Variants in DIRAS1 observed in about 807,000 individuals in gnomAD.
The protein encoded by DIRAS1 is GTP-binding protein Di-Ras1.
Under a neutral mutation model 11.5 loss-of-function variants are expected in DIRAS1, and 3 were observed. The observed-to-expected ratio is 0.26, with a 90% CI of 0.12 to 0.67. DIRAS1 has a LOEUF of 0.67. Ranked by LOEUF, DIRAS1 falls within the 30% of genes least tolerant of loss-of-function variation. The pLI is 0.80. For synonymous variants in DIRAS1, 128 were observed against 125.8 expected (o/e 1.02, Z -0.12); for missense variants, 212 against 285.3 (o/e 0.74, Z 1.85).
intron 1 of DIRAS1, among the ~76,000 whole-genome samples, chr19:2,719,418 CT>C (rs1163050238): frequency 6.7e-6 from 1 of 150,098 alleles, no homozygotes; most frequent in Middle Eastern, 3.2e-3. Flanking sequence ...TAGCCCCTCT[CT>C]TCCTTCTTGG....
chr19:2,716,176 AC>A lies in DIRAS1; in HGVS notation c.*1033del, dbSNP rs1327717806. On this transcript the variant is annotated 3_prime_UTR_variant, in exon 2 of 2. Transcript: ENST00000323469. Reference sequence around the variant, plus strand: ...CAGACTCTCTCAAAAAACACCCAGAACCTCATGGCTGCAGGTACACTCGACT... The same window carrying A: ...CAGACTCTCTCAAAAAACACCCAGAACTCATGGCTGCAGGTACACTCGACT... The A allele has an allele frequency of 1.3e-5, 2 of 152,110 alleles. No homozygotes were observed. The highest frequency in any genetic ancestry group is 6.6e-5 in the Admixed American group (1 of 15,264). 9.4% of individuals were successfully genotyped at this position (152,110 alleles called of 1,614,324 possible). A position where few individuals can be genotyped will look rare whatever the true frequency, so the allele number is the denominator to read the frequency against.
chr19:2,717,818 C>T lies in DIRAS1; in HGVS notation c.-12G>A, dbSNP rs747849569. 1.1e-5 allele frequency: 17 copies of T among 1,579,016 alleles called. No homozygotes were observed. Among genetic ancestry groups the T allele is most frequent in the Non-Finnish European group, 1.4e-5 (16 of 1,166,200 alleles). On this transcript the variant is annotated 5_prime_UTR_variant, in exon 2 of 2. Coordinates refer to ENST00000323469, the MANE Select transcript of DIRAS1 (RefSeq NM_145173.4). ...CTCTGTTCCGGCATCTTCCCCGCGG[C>T]GGGTGGGCGGCCGGGGCCGGGAGGG... is the stretch of plus-strand genomic sequence containing the variant.
Position 2,716,960 on chromosome 19 carries a change from C to A in DIRAS1, c.*250G>T, listed in dbSNP as rs1913819720. 1 of 476,432 alleles carries A rather than the reference C, an allele frequency of 2.1e-6. No individual in the cohort carries two copies. The highest frequency in any genetic ancestry group is 3.7e-6 in the Non-Finnish European group (1 of 271,230). 29.5% of individuals were successfully genotyped at this position (476,432 alleles called of 1,614,324 possible). A position where few individuals can be genotyped will look rare whatever the true frequency, so the allele number is the denominator to read the frequency against. Reference sequence around the variant, plus strand: ...TCCCATCTGCAGGACAAGGGGGCCACCTCCGGCTCTTGGTTTTGGAGGGTA... The same window carrying A: ...TCCCATCTGCAGGACAAGGGGGCCAACTCCGGCTCTTGGTTTTGGAGGGTA... On this transcript the variant is annotated 3_prime_UTR_variant, in exon 2 of 2. Coordinates refer to ENST00000323469, the MANE Select transcript of DIRAS1 (RefSeq NM_145173.4).
In DIRAS1 at chr19:2,715,376, G is replaced by C. The variant is rs569963526; in HGVS notation, c.*1834C>G. The C allele has an allele frequency of 6.6e-6, 1 of 152,118 alleles. No homozygotes were observed. The highest frequency in any genetic ancestry group is 1.5e-5 in the Non-Finnish European group (1 of 68,066). The allele number at this position is 152,118 out of a possible 1,614,324, so 9.4% of individuals were successfully genotyped here. A position where few individuals can be genotyped will look rare whatever the true frequency, so the allele number is the denominator to read the frequency against. On this transcript the variant is annotated 3_prime_UTR_variant, in exon 2 of 2. Coordinates refer to ENST00000323469, the MANE Select transcript of DIRAS1 (RefSeq NM_145173.4). ...CTCACTAACTTAGCTGCCATGCTCCGAGCCCCGCTGTGGAGAGACCCACAT... is the reference window on the plus strand; with the variant it reads ...CTCACTAACTTAGCTGCCATGCTCCCAGCCCCGCTGTGGAGAGACCCACAT...
intron 1 of DIRAS1, chr19:2,719,276 AAATCCAG>A (rs1913898498): frequency 6.6e-6 from 1 of 152,254 alleles, no homozygotes; most frequent in South Asian, 2.1e-4. Flanking sequence ...CAAAAATACA[AAATCCAG>A]AAGCTGAACG....
intron 1 of DIRAS1, 86 bp from the exon 2 acceptor site, chr19:2,717,961 G>A: frequency 3.8e-6 from 3 of 786,530 alleles, no homozygotes; most frequent in Non-Finnish European, 5.9e-6. Flanking sequence ...AGGACATGGC[G>A]GCTTCTCAGA....
chr19:2,719,514 A>C (rs1012715218), intron 1 of DIRAS1, among the ~76,000 whole-genome samples: 1 of 13,712 alleles, frequency 7.3e-5, no homozygotes, highest in African/African-American at 2.4e-4. Flanking sequence ...CGCTGGGGGG[A>C]GGGCGGGTGG....
chr19:2,716,238 T>G lies in DIRAS1; in HGVS notation c.*972A>C, dbSNP rs1275823342. ...ACCTTCCCGGGCAGGCCCTGCTCTC[T>G]GGGGCACAGGTGGTGGGGAGGAAGT... On this transcript the variant is annotated 3_prime_UTR_variant, in exon 2 of 2. Coordinates refer to ENST00000323469, the MANE Select transcript of DIRAS1 (RefSeq NM_145173.4). 6.6e-6 allele frequency: 1 copy of G among 152,314 alleles called. No individual in the cohort carries two copies. The highest frequency in any genetic ancestry group is 1.9e-4 in the East Asian group (1 of 5,206). 9.4% of individuals were successfully genotyped at this position (152,314 alleles called of 1,614,324 possible).
chr19:2,715,779 C>T lies in DIRAS1; in HGVS notation c.*1431G>A, dbSNP rs1405779449. On this transcript the variant is annotated 3_prime_UTR_variant, in exon 2 of 2. Coordinates refer to ENST00000323469, the MANE Select transcript of DIRAS1 (RefSeq NM_145173.4). ...CTATAGAGTGGAACACAGATCGTGT[C>T]CCTCAATCAGGACAAACATATTTAC... 1 of 152,218 alleles carries T rather than the reference C, an allele frequency of 6.6e-6. No individual in the cohort carries two copies. The highest frequency in any genetic ancestry group is 1.5e-5 in the Non-Finnish European group (1 of 68,054). 9.4% of individuals were successfully genotyped at this position (152,218 alleles called of 1,614,324 possible).
intron 1 of DIRAS1, among the ~76,000 whole-genome samples, chr19:2,720,932 G>C (rs1296780887): frequency 6.6e-6 from 1 of 151,910 alleles, no homozygotes; most frequent in Non-Finnish European, 1.5e-5. Flanking sequence ...GGGGCGCGGA[G>C]GGAGGGGCTT....
intron 1 of DIRAS1, among the ~76,000 whole-genome samples, chr19:2,719,578 G>T (rs1248928042): frequency 6.6e-6 from 1 of 151,424 alleles, no homozygotes; most frequent in African/African-American, 2.4e-5. Context: ...AGGCTCTGGG[G>T]CAGCGGTGGG....
chr19:2,717,321 C>G lies in DIRAS1; in HGVS notation c.486G>C (p.Gln162His), dbSNP rs764132940. The G allele has an allele frequency of 6.2e-7, 1 of 1,612,174 alleles. No homozygotes were observed. The highest frequency in any genetic ancestry group is 2.2e-5 in the East Asian group (1 of 44,872). Residue 162 changes from glutamine to histidine, a missense_variant, in exon 2 of 2, where the codon CAG becomes CAC. Gln to His is a conservative substitution (Grantham distance 24). This residue lies in a region of DIRAS1 where 84 missense variants were observed against 79.9 expected (regional missense o/e 1.05). Coordinates refer to ENST00000323469, the MANE Select transcript of DIRAS1 (RefSeq NM_145173.4). ...KMNYNVKELFQELLTLETRRN... is the reference protein window; with the variant it reads ...KMNYNVKELFHELLTLETRRN... ...GGCGCGTCTCCAGCGTCAGCAGCTC[C>G]TGGAAGAGCTCCTTGACGTTGTAGT... is the stretch of plus-strand genomic sequence containing the variant.
At position 2,718,398 on chromosome 19, in the gene DIRAS1, C is replaced by T. The variant is rs12460199; in HGVS notation, c.-69-523G>A. The stretch of plus-strand genomic sequence containing the variant: ...GCTCTTCCGCCAACCCAGAGATGGC[C>T]AATCCTCATGGAAGCCGCACATGGT... On this transcript the variant is annotated intron_variant, in intron 1 of 1. Transcript: ENST00000323469. The surrounding 1 kb of genome is among the most constrained non-coding windows in gnomAD (Gnocchi z 4.2). Among the ~76,000 whole-genome samples, 52,152 of 152,134 alleles carry T rather than the reference C, an allele frequency of 0.34. 11,156 individuals carry two copies. The highest frequency in any genetic ancestry group is 0.59 in the East Asian group (3,052 of 5,182).
rs1913792996 is a variant in DIRAS1, at chr19:2,716,359, G to C, written c.*851C>G. The C allele has an allele frequency of 6.6e-6, 1 of 152,308 alleles. No homozygotes were observed. The highest frequency in any genetic ancestry group is 1.5e-5 in the Non-Finnish European group (1 of 68,104). The allele number at this position is 152,308 out of a possible 1,614,324, so 9.4% of individuals were successfully genotyped here. A position where few individuals can be genotyped will look rare whatever the true frequency, so the allele number is the denominator to read the frequency against. ...ACGGGGGTGTAATTGATGTATCTCT[G>C]GCCGGGGCCCCGGGTACCCCCTCCT... On this transcript the variant is annotated 3_prime_UTR_variant, in exon 2 of 2. Transcript: ENST00000323469.
rs764257970 is a variant in DIRAS1, at chr19:2,717,411, C to A, written c.396G>T (p.Thr132=). 1.2e-6 allele frequency: 2 copies of A among 1,607,890 alleles called. No individual in the cohort carries two copies. The highest frequency in any genetic ancestry group is 2.2e-5 in the East Asian group (1 of 44,878). ...CCTGGGCCACCGCCTGCGCCTCGCG[C>A]GTGTCCACCTCCCGCTGCGTCTCAT... is the stretch of plus-strand genomic sequence containing the variant. The part of the protein sequence containing the change: ...KCDETQREVD[T]REAQAVAQEW... The change falls in exon 2 of 2, where the codon ACG becomes ACT. Residue 132 remains threonine (T), a synonymous_variant. Coordinates refer to ENST00000323469, the MANE Select transcript of DIRAS1 (RefSeq NM_145173.4).
rs1218927987 is a variant in DIRAS1, at chr19:2,717,615, G to A, written c.192C>T (p.Gly64=). Residue 64 remains glycine (G), a synonymous_variant, in exon 2 of 2, where the codon GGC becomes GGT. Transcript: ENST00000323469. ...VCTLQITDTT[G]SHQFPAMQRL... ...GCTGCATGGCCGGGAACTGGTGGCTGCCGGTGGTGTCTGTGATCTGCAGCG... is the reference window on the plus strand; with the variant it reads ...GCTGCATGGCCGGGAACTGGTGGCTACCGGTGGTGTCTGTGATCTGCAGCG... 2 of 1,613,186 alleles carry A rather than the reference G, an allele frequency of 1.2e-6. No homozygotes were observed. Among genetic ancestry groups the A allele is most frequent in the African/African-American group, 1.3e-5 (1 of 74,948 alleles).
chr19:2,718,925 A>T lies in DIRAS1; in HGVS notation c.-69-1050T>A, dbSNP rs1568295409. Among the ~76,000 whole-genome samples the T allele has an allele frequency of 6.6e-6, 1 of 151,822 alleles. No individual in the cohort carries two copies. On this transcript the variant is annotated intron_variant, in intron 1 of 1. Coordinates refer to ENST00000323469, the MANE Select transcript of DIRAS1 (RefSeq NM_145173.4). This position sits in a 1 kb window ranked among gnomAD's most constrained non-coding sequence, Gnocchi z 4.2. Reference sequence around the variant, plus strand: ...AACCTCTGCCTCCTCGGTTCAAGCAATTCTCCTGCCTCAGCCTCCAGAGTA... The same window carrying T: ...AACCTCTGCCTCCTCGGTTCAAGCATTTCTCCTGCCTCAGCCTCCAGAGTA...
At position 2,717,571 on chromosome 19, in the gene DIRAS1, C is replaced by T. The variant is rs1467639097; in HGVS notation, c.236G>A (p.Gly79Asp). 6.2e-7 allele frequency: 1 copy of T among 1,613,116 alleles called. No individual in the cohort carries two copies. Among genetic ancestry groups the T allele is most frequent in the Non-Finnish European group, 8.5e-7 (1 of 1,179,692 alleles). ...PAMQRLSISK[G>D]HAFILVFSVT... Reference sequence around the variant, plus strand: ...GGAGAACACCAGGATGAAGGCGTGGCCCTTGGAGATGGACAGGCGCTGCAT... The same window carrying T: ...GGAGAACACCAGGATGAAGGCGTGGTCCTTGGAGATGGACAGGCGCTGCAT... Residue 79 changes from glycine to aspartate, a missense_variant, in exon 2 of 2, where the codon GGC (glycine) becomes GAC (aspartate). This residue lies in a region of DIRAS1 where 128 missense variants were observed against 205.3 expected (regional missense o/e 0.62). Transcript: ENST00000323469.
Position 2,718,952 on chromosome 19 carries a change from C to A in DIRAS1, c.-69-1077G>T, listed in dbSNP as rs1913891912. Among the ~76,000 whole-genome samples the A allele has an allele frequency of 6.6e-6, 1 of 152,082 alleles. No individual in the cohort carries two copies. The highest frequency in any genetic ancestry group is 1.5e-5 in the Non-Finnish European group (1 of 68,008). ...TCTCCTGCCTCAGCCTCCAGAGTAG[C>A]TGGGATTACAGGCATGCACCACCAC... On this transcript the variant is annotated intron_variant, in intron 1 of 1. Coordinates refer to ENST00000323469, the MANE Select transcript of DIRAS1 (RefSeq NM_145173.4). The surrounding 1 kb of genome is among the most constrained non-coding windows in gnomAD (Gnocchi z 4.2).
Sources: gnomAD v4.1 joint callset for allele counts (sites outside exome capture counted in the v4.1 genomes callset) on GRCh38, gnomAD v4.1.1 for gene constraint, gnomAD v4.1.1 regional missense constraint, Gnocchi (gnomAD v3.1) non-coding constraint, MANE v1.5 for transcripts, NCBI Gene and HGNC (gene_info 2026-07-23, HGNC 2026-07-21) for gene names.